MED27: variants seen among roughly 807,000 people sequenced by gnomAD.
MED27 encodes mediator of RNA polymerase II transcription subunit 27.
In MED27, 30 loss-of-function variants were observed where a neutral mutation model predicts 38.2. That is an observed-to-expected ratio of 0.79 (90% confidence interval 0.59 to 1.07). MED27 has a LOEUF of 1.07. MED27 is among the 50% of genes least tolerant of loss of function. The pLI is 0.00. For synonymous variants in MED27, 122 were observed against 153.5 expected (o/e 0.79, Z 1.52); for missense variants, 289 against 397.5 (o/e 0.73, Z 2.32).
At chr9:131,928,226 C>T (rs1369739104) in intron 4 of MED27, among the ~76,000 whole-genome samples, 1 of 152,128 alleles carries the variant, frequency 6.6e-6, no homozygotes, top group Non-Finnish European at 1.5e-5. Flanking sequence ...ATCACAACAC[C>T]TCCCTGCTCC....
At position 131,873,177 on chromosome 9, in the gene MED27, CTT is replaced by C. The variant is rs1248167340; in HGVS notation, c.724-10039_724-10038del. On this transcript the variant is annotated intron_variant, in intron 6 of 7. Coordinates refer to ENST00000292035, the MANE Select transcript of MED27 (RefSeq NM_004269.4). ...AGGAATCTCTTGGAAGGAGAAAACT[CTT>C]TGTGGGTCCTGTGGGCAAAGACATG... Among the ~76,000 whole-genome samples the C allele has an allele frequency of 2.0e-5, 3 of 152,204 alleles. No individual in the cohort carries two copies. In the East Asian group the frequency reaches 5.8e-4, roughly 29 times the overall value.
At chr9:132,012,015 T>C (rs1252689722) in intron 3 of MED27, among the ~76,000 whole-genome samples, 1 of 152,038 alleles carries the variant, frequency 6.6e-6, no homozygotes, top group Non-Finnish European at 1.5e-5. Flanking sequence ...AGTTTCTAAG[T>C]GTCCTCACAA....
At chr9:131,907,965 G>T (rs189589531) in intron 4 of MED27, among the ~76,000 whole-genome samples, 3,662 of 151,122 alleles carry the variant, frequency 0.024, 46 homozygotes, top group Middle Eastern at 0.049. Context: ...TGAGAAGTGA[G>T]GAGACCCTCT....
chr9:131,869,129 C>T, intron 6 of MED27: 2 of 985,412 alleles, frequency 2.0e-6, no homozygotes, highest in Non-Finnish European at 2.4e-6. Context: ...TCTTCAATTT[C>T]CCACCACCAA....
chr9:132,076,194 C>G (rs182228445), intron 2 of MED27, among the ~76,000 whole-genome samples: 2 of 152,124 alleles, frequency 1.3e-5, no homozygotes, highest in African/African-American at 2.4e-5. Flanking sequence ...GCACCCTGAT[C>G]CTCCTGAGTT....
At position 132,077,580 on chromosome 9, in the gene MED27, C is replaced by G. The variant is rs1466735710; in HGVS notation, c.210G>C (p.Leu70=). 1 of 1,613,888 alleles carries G rather than the reference C, an allele frequency of 6.2e-7. No homozygotes were observed. Among genetic ancestry groups the G allele is most frequent in the African/African-American group, 1.3e-5 (1 of 74,900 alleles). ...TGCCTACCAGATTGCTCAGACGTTC[C>G]AGCTCACTGAAAAGCAAAGAGACAA... ...LHSVNRDLNE[L]ERLSNLVGKP... Residue 70 remains leucine (L), a synonymous_variant, in exon 2 of 8, where the codon CTG becomes CTC. Coordinates refer to ENST00000292035, the MANE Select transcript of MED27 (RefSeq NM_004269.4).
At chr9:131,973,182 G>A (rs1374878475) in intron 3 of MED27, among the ~76,000 whole-genome samples, 1 of 151,982 alleles carries the variant, frequency 6.6e-6, no homozygotes, top group African/African-American at 2.4e-5. Context: ...ACACTTTCTT[G>A]CTTTAATAGT....
In MED27 at chr9:131,868,567, C is replaced by A. The variant is rs12003222; in HGVS notation, c.724-5427G>T. 17 of 983,562 alleles carry A rather than the reference C, an allele frequency of 1.7e-5. No homozygotes were observed. In the African/African-American group the frequency reaches 2.3e-4, roughly 13 times the overall value. The allele number at this position is 983,562 out of a possible 1,614,324, so 60.9% of individuals were successfully genotyped here. A position where few individuals can be genotyped will look rare whatever the true frequency, so the allele number is the denominator to read the frequency against. On this transcript the variant is annotated intron_variant, in intron 6 of 7. Transcript: ENST00000292035. ...CTGGGATTACAGGCGTGCGCCACTG[C>A]GCCCGGCCCACTATTCTGATTTACA...
At chr9:131,942,758 G>A (rs555617409) in intron 3 of MED27, among the ~76,000 whole-genome samples, 2 of 152,150 alleles carry the variant, frequency 1.3e-5, no homozygotes, top group African/African-American at 2.4e-5. Context: ...ATGATCCCAG[G>A]TCAAGCAAAA....
At chr9:131,980,211 G>C (rs1012188664) in intron 3 of MED27, among the ~76,000 whole-genome samples, 1 of 151,158 alleles carries the variant, frequency 6.6e-6, no homozygotes, top group Admixed American at 6.6e-5. Context: ...GGCGGGTGGC[G>C]GGGGGGAGAG....
At chr9:131,868,133 T>C (rs1838766999) in intron 6 of MED27, among the ~76,000 whole-genome samples, 1 of 152,184 alleles carries the variant, frequency 6.6e-6, no homozygotes, top group South Asian at 2.1e-4. Context: ...GGTTTTTCCT[T>C]ATTTCTGAAA....
chr9:132,065,788 G>A (rs1054829700), intron 2 of MED27, among the ~76,000 whole-genome samples: 11 of 152,256 alleles, frequency 7.2e-5, no homozygotes, highest in Non-Finnish European at 1.3e-4. Flanking sequence ...CACTGGTCCT[G>A]CTGCACTGAT....
chr9:132,028,866 C>G (rs1832886780), intron 2 of MED27, among the ~76,000 whole-genome samples: 1 of 152,174 alleles, frequency 6.6e-6, no homozygotes, highest in African/African-American at 2.4e-5. Flanking sequence ...CACACTGTAA[C>G]AAGCACCCCC....
intron 3 of MED27, among the ~76,000 whole-genome samples, chr9:132,012,302 G>C (rs573471970): frequency 6.6e-6 from 1 of 152,334 alleles, no homozygotes; most frequent in Admixed American, 6.5e-5. Flanking sequence ...AGAAACAACA[G>C]ATAGAATAAT....
chr9:131,944,009 C>T (rs547876645), intron 3 of MED27, among the ~76,000 whole-genome samples: 2 of 152,296 alleles, frequency 1.3e-5, no homozygotes, highest in Admixed American at 6.5e-5. Context: ...AGACTCTCAA[C>T]GGTTTCCAAT....
intron 4 of MED27, among the ~76,000 whole-genome samples, chr9:131,904,841 C>T (rs566100013): frequency 5.8e-4 from 88 of 152,300 alleles, no homozygotes; most frequent in African/African-American, 1.9e-3. Context: ...GTGGACTAAT[C>T]CATTTACCAA....
At chr9:131,918,547 T>C (rs1830333686) in intron 4 of MED27, among the ~76,000 whole-genome samples, 1 of 152,272 alleles carries the variant, frequency 6.6e-6, no homozygotes, top group African/African-American at 2.4e-5. Flanking sequence ...TAGTATGTTT[T>C]TGACACAAAA....
chr9:131,933,274 GA>G (rs1440302663), intron 4 of MED27, among the ~76,000 whole-genome samples: 2 of 151,782 alleles, frequency 1.3e-5, no homozygotes. Flanking sequence ...TCAGACAAGA[GA>G]AAAAAATAGA....
At position 131,947,689 on chromosome 9, in the gene MED27, A is replaced by AAC. The variant is rs572105242; in HGVS notation, c.480-8217_480-8216dup. Among the ~76,000 whole-genome samples the AAC allele has an allele frequency of 2.5e-4, 38 of 152,168 alleles. 1 individual carries two copies. In the South Asian group the frequency reaches 5.4e-3, roughly 22 times the overall value. ...GACCCCCTCCTCAAAAGAAAAAAAA[A>AAC]ACACACACACACAACAAATCTGGGC... On this transcript the variant is annotated intron_variant, in intron 3 of 7. Coordinates refer to ENST00000292035, the MANE Select transcript of MED27 (RefSeq NM_004269.4).
Sources: allele counts gnomAD v4.1 joint callset (sites outside exome capture counted in the v4.1 genomes callset), GRCh38; gene constraint gnomAD v4.1.1; transcripts MANE v1.5; gene names NCBI Gene and HGNC (gene_info 2026-07-23, HGNC 2026-07-21).